Variants in CADPS2 observed in about 807,000 individuals in gnomAD.
CADPS2 encodes calcium dependent secretion activator 2.
In CADPS2, 93 loss-of-function variants were observed where a neutral mutation model predicts 172.5. The ratio of observed to expected loss-of-function variants is 0.54; its 90% CI spans 0.46 to 0.64. CADPS2 has a LOEUF of 0.64. CADPS2 is among the 30% of genes least tolerant of loss of function. The probability of loss-of-function intolerance (pLI) is 0.00; values close to 1 mark genes in which losing one functional copy is unlikely to be tolerated. For missense variants in CADPS2, 1,420 were observed against 1,565.9 expected (o/e 0.91, Z 1.57); for synonymous variants, 546 against 555.2 (o/e 0.98, Z 0.23).
At chr7:122,860,916 C>CT (rs1168764986) in intron 1 of CADPS2, among the ~76,000 whole-genome samples, 2 of 152,040 alleles carry the variant, frequency 1.3e-5, no homozygotes, top group Admixed American at 1.3e-4. Flanking sequence ...GAATTTCATT[C>CT]TTTTTAATAG....
intron 6 of CADPS2, among the ~76,000 whole-genome samples, chr7:122,613,071 A>C (rs1425395842): frequency 6.6e-6 from 1 of 152,160 alleles, no homozygotes; most frequent in Non-Finnish European, 1.5e-5. Context: ...CCTAAATATA[A>C]AACTATGAAA....
intron 3 of CADPS2, among the ~76,000 whole-genome samples, chr7:122,652,095 C>T (rs2079211730): frequency 6.6e-6 from 1 of 152,164 alleles, no homozygotes; most frequent in Non-Finnish European, 1.5e-5. Flanking sequence ...TTTGGAGAAC[C>T]TCTTCATGAT....
chr7:122,769,399 G>C (rs1163449034), intron 1 of CADPS2, among the ~76,000 whole-genome samples: 3 of 152,078 alleles, frequency 2.0e-5, no homozygotes. Flanking sequence ...GACTCACTGA[G>C]CCCTCCAGGA....
At chr7:122,789,044 C>T (rs755457410) in intron 1 of CADPS2, among the ~76,000 whole-genome samples, 1 of 152,148 alleles carries the variant, frequency 6.6e-6, no homozygotes, top group Non-Finnish European at 1.5e-5. Flanking sequence ...ATTTAAGATG[C>T]TCAGAGTCCT....
chr7:122,749,961 T>TAAAAAAAAAAAA (rs34910927), intron 1 of CADPS2, among the ~76,000 whole-genome samples: 1 of 133,946 alleles, frequency 7.5e-6, no homozygotes, highest in African/African-American at 2.8e-5. Context: ...CCTGTGAGGT[T>TAAAAAAAAAAAA]AAAAAAAAAA....
chr7:122,688,373 G>A (rs758091415), intron 2 of CADPS2, among the ~76,000 whole-genome samples: 2 of 152,198 alleles, frequency 1.3e-5, no homozygotes, highest in African/African-American at 2.4e-5. Flanking sequence ...TATCACTCCT[G>A]GATCATTGCA....
At chr7:122,588,762 T>C (rs559781056) in intron 6 of CADPS2, among the ~76,000 whole-genome samples, 1 of 152,006 alleles carries the variant, frequency 6.6e-6, no homozygotes, top group African/African-American at 2.4e-5. Context: ...TGACTTTGGA[T>C]TCACTCAATT....
intron 2 of CADPS2, chr7:122,699,136 T>G (rs1391734105): frequency 1.9e-6 from 1 of 512,826 alleles, no homozygotes; most frequent in Admixed American, 3.8e-5. Context: ...AATCCCCTAC[T>G]GTTAACTCTA....
chr7:122,712,318 C>A (rs1024056613), intron 2 of CADPS2, among the ~76,000 whole-genome samples: 1 of 152,138 alleles, frequency 6.6e-6, no homozygotes, highest in Admixed American at 6.6e-5. Flanking sequence ...TCTGGCATGA[C>A]TAAGGACCTG....
chr7:122,668,341 G>A (rs1348244455), intron 2 of CADPS2, among the ~76,000 whole-genome samples: 1 of 151,710 alleles, frequency 6.6e-6, no homozygotes, highest in Non-Finnish European at 1.5e-5. Context: ...GTGAATGTTG[G>A]GAGAGTCATG....
intron 20 of CADPS2, among the ~76,000 whole-genome samples, chr7:122,399,660 C>CTTTTTTTTTTTTTT (rs1008163151): frequency 3.1e-4 from 16 of 51,228 alleles, no homozygotes; most frequent in Non-Finnish European, 4.1e-4. Context: ...GGGTGGGTTT[C>CTTTTTTTTTTTTTT]TTTTTTTTTT....
chr7:122,865,105 G>C (rs1242470978), intron 1 of CADPS2, among the ~76,000 whole-genome samples: 4 of 152,168 alleles, frequency 2.6e-5, no homozygotes, highest in Non-Finnish European at 5.9e-5. Context: ...CACTCTGTTA[G>C]TTTCCGTGAG....
intron 25 of CADPS2, among the ~76,000 whole-genome samples, chr7:122,370,112 C>T (rs2041578667): frequency 6.6e-6 from 1 of 152,140 alleles, no homozygotes; most frequent in African/African-American, 2.4e-5. Context: ...TTCTTAGGAA[C>T]TCAGCTCAAG....
intron 1 of CADPS2, among the ~76,000 whole-genome samples, chr7:122,841,238 A>T (rs1810393976): frequency 6.6e-6 from 1 of 152,218 alleles, no homozygotes; most frequent in African/African-American, 2.4e-5. Flanking sequence ...CTAAAAAAGA[A>T]ACATGGAAGA....
Position 122,511,778 on chromosome 7 carries a change from C to T in CADPS2, c.1542+1471G>A, listed in dbSNP as rs1308650463. ...ACTTGATAAAGACAAGTCACTAACA[C>T]AACTTTGTCAAATTAGATATGAATG... On this transcript the variant is annotated intron_variant, in intron 9 of 29. Transcript: ENST00000449022. Among the ~76,000 whole-genome samples the T allele has an allele frequency of 5.9e-5, 9 of 152,272 alleles. No individual in the cohort carries two copies. In the East Asian group the frequency reaches 1.7e-3, roughly 29 times the overall value.
intron 2 of CADPS2, among the ~76,000 whole-genome samples, chr7:122,677,559 A>G (rs1025996554): frequency 6.6e-6 from 1 of 152,234 alleles, no homozygotes; most frequent in African/African-American, 2.4e-5. Context: ...TATTTTGCAA[A>G]TAGCTAAAAT....
intron 8 of CADPS2, among the ~76,000 whole-genome samples, chr7:122,526,131 C>T (rs1018531122): frequency 6.6e-6 from 1 of 152,094 alleles, no homozygotes; most frequent in Admixed American, 6.6e-5. Context: ...AGAGACATTT[C>T]TGCAGTTGCT....
chr7:122,395,228 A>T (rs1338915058), intron 20 of CADPS2, among the ~76,000 whole-genome samples: 2 of 152,192 alleles, frequency 1.3e-5, no homozygotes, highest in Non-Finnish European at 2.9e-5. Flanking sequence ...AATTTCTCTG[A>T]GGCTGGACAA....
chr7:122,382,396 C>A (rs2043126833), intron 24 of CADPS2: 1 of 152,078 alleles, frequency 6.6e-6, no homozygotes, highest in South Asian at 2.1e-4. Context: ...ATTGTGTGTT[C>A]ATCTGGGGTG....
Sources: gnomAD v4.1 joint callset for allele counts (sites outside exome capture counted in the v4.1 genomes callset) on GRCh38, gnomAD v4.1.1 for gene constraint, MANE v1.5 for transcripts, NCBI Gene and HGNC (gene_info 2026-07-23, HGNC 2026-07-21) for gene names.